Variants in HMGCLL1 observed in about 807,000 individuals in gnomAD.
HMGCLL1 encodes the protein 3-hydroxy-3-methylglutaryl-CoA lyase like 1.
Under a neutral mutation model 39.1 loss-of-function variants are expected in HMGCLL1, and 36 were observed. That is an observed-to-expected ratio of 0.92 (90% CI 0.71 to 1.22). HMGCLL1 has a LOEUF of 1.22. Among genes scored for constraint, HMGCLL1 ranks in the 50% most tolerant of loss-of-function variants. HMGCLL1 has a pLI of 0.00. For synonymous variants in HMGCLL1, 149 were observed against 144.0 expected (o/e 1.03, Z -0.25); for missense variants, 451 against 416.5 (o/e 1.08, Z -0.72).
intron 7 of HMGCLL1, among the ~76,000 whole-genome samples, chr6:55,486,552 G>A (rs952144209): frequency 6.6e-6 from 1 of 152,018 alleles, no homozygotes; most frequent in Non-Finnish European, 1.5e-5. Flanking sequence ...CAATGCCTTG[G>A]AAAGATCAAT....
At chr6:55,591,684 G>GT in the HMGCLL1 span, among the ~76,000 whole-genome samples, 642 of 142,100 alleles carry the variant, frequency 4.5e-3, no homozygotes, top group Middle Eastern at 7.1e-3. Flanking sequence ...ACTTAAGGAA[G>GT]TTTTTTTTTT....
chr6:55,515,272 A>AT (rs1767677691), intron 4 of HMGCLL1, among the ~76,000 whole-genome samples: 2 of 151,458 alleles, frequency 1.3e-5, no homozygotes, highest in South Asian at 4.2e-4. Context: ...AAAAAAATAC[A>AT]TGGGGGGAGA....
In HMGCLL1 at chr6:55,504,590, C is replaced by A. The variant is rs1345771948; in HGVS notation, c.543-5291G>T. Reference sequence around the variant, plus strand: ...GGAATTCTCCCTATATACTTTAAATCATCTCTAGATTACTTATAATACCTA... The same window carrying A: ...GGAATTCTCCCTATATACTTTAAATAATCTCTAGATTACTTATAATACCTA... On this transcript the variant is annotated intron_variant, in intron 5 of 8. Coordinates refer to ENST00000274901, the MANE Select transcript of HMGCLL1 (RefSeq NM_001042406.2). Among the ~76,000 whole-genome samples, 3 of 151,710 alleles carry A rather than the reference C, an allele frequency of 2.0e-5. No homozygotes were observed. The East Asian group carries it at 5.8e-4, about 29-fold the overall frequency.
At chr6:55,659,383 A>G in the HMGCLL1 span, among the ~76,000 whole-genome samples, 5 of 151,962 alleles carry the variant, frequency 3.3e-5, no homozygotes, top group Non-Finnish European at 1.5e-5. Context: ...CTGAAAATTA[A>G]AATTTATTTC....
At chr6:55,643,083 A>C in the HMGCLL1 span, among the ~76,000 whole-genome samples, 1 of 152,098 alleles carries the variant, frequency 6.6e-6, no homozygotes, top group Non-Finnish European at 1.5e-5. Flanking sequence ...ACTATTGTGA[A>C]TAATATAGCA....
chr6:55,496,396 G>A (rs1192677169), intron 6 of HMGCLL1, among the ~76,000 whole-genome samples: 1 of 152,060 alleles, frequency 6.6e-6, no homozygotes, highest in African/African-American at 2.4e-5. Flanking sequence ...TAATGATTCA[G>A]TACTGAATCA....
the HMGCLL1 span, among the ~76,000 whole-genome samples, chr6:55,646,762 GAT>G: frequency 6.6e-6 from 1 of 151,920 alleles, no homozygotes; most frequent in Non-Finnish European, 1.5e-5. Flanking sequence ...GAAGATACTT[GAT>G]ATTATTTCAT....
At chr6:55,677,274 C>G in the HMGCLL1 span, among the ~76,000 whole-genome samples, 1 of 152,064 alleles carries the variant, frequency 6.6e-6, no homozygotes, top group African/African-American at 2.4e-5. Context: ...CCTGTGGTCC[C>G]ACTACTCGGG....
chr6:55,460,433 A>T (rs1764506589), intron 7 of HMGCLL1, among the ~76,000 whole-genome samples: 1 of 151,940 alleles, frequency 6.6e-6, no homozygotes, highest in Non-Finnish European at 1.5e-5. Flanking sequence ...GAAAGCACTA[A>T]AGTTTAATTT....
In HMGCLL1 at chr6:55,532,812, T is replaced by A. The variant is rs1220154150; in HGVS notation, c.297+8917A>T. On this transcript the variant is annotated intron_variant, in intron 3 of 8. Transcript: ENST00000274901. ...CAAGACTCTGTCTCAAACATAATAA[T>A]AATAATAATAATAATAATAATAATA... Among the ~76,000 whole-genome samples the A allele has an allele frequency of 2.8e-3, 54 of 19,042 alleles. 1 individual carries two copies. Among genetic ancestry groups the A allele is most frequent in the South Asian group, 0.017 (13 of 772 alleles). The allele number at this position is 19,042 out of a possible 152,430, so 12.5% of individuals were successfully genotyped here. A position where few individuals can be genotyped will look rare whatever the true frequency, so the allele number is the denominator to read the frequency against.
chr6:55,609,491 C>T, the HMGCLL1 span, among the ~76,000 whole-genome samples: 5 of 152,136 alleles, frequency 3.3e-5, no homozygotes, highest in African/African-American at 9.7e-5. Context: ...ACTCCAACAA[C>T]TCCAGCGAAG....
At chr6:55,465,986 A>G (rs1016350068) in intron 7 of HMGCLL1, among the ~76,000 whole-genome samples, 2 of 152,054 alleles carry the variant, frequency 1.3e-5, no homozygotes, top group African/African-American at 2.4e-5. Flanking sequence ...GATATTACTA[A>G]TAGAAGTTAA....
At chr6:55,552,255 C>T (rs752502072) in intron 1 of HMGCLL1, among the ~76,000 whole-genome samples, 9 of 151,816 alleles carry the variant, frequency 5.9e-5, no homozygotes, top group Non-Finnish European at 1.0e-4. Flanking sequence ...ATTTAAAATC[C>T]TAAACATGAA....
At chr6:55,659,382 A>G in the HMGCLL1 span, among the ~76,000 whole-genome samples, 1 of 151,956 alleles carries the variant, frequency 6.6e-6, no homozygotes, top group African/African-American at 2.4e-5. Flanking sequence ...GCTGAAAATT[A>G]AAATTTATTT....
the HMGCLL1 span, among the ~76,000 whole-genome samples, chr6:55,620,942 A>G: frequency 1.3e-5 from 2 of 151,696 alleles, no homozygotes; most frequent in Non-Finnish European, 2.9e-5. Context: ...TAGATGTGTA[A>G]GTTTATCTCT....
chr6:55,568,854 A>AACAC (rs139032251), intron 1 of HMGCLL1, among the ~76,000 whole-genome samples: 31,875 of 150,560 alleles, frequency 0.21, 3,719 homozygotes, highest in East Asian at 0.32. Flanking sequence ...AGTAAAATGA[A>AACAC]ACACACACAC....
Position 55,543,304 on chromosome 6 carries a change from TG to T in HMGCLL1, c.109-1165del, listed in dbSNP as rs1165052856. On this transcript the variant is annotated intron_variant, in intron 1 of 8. Coordinates refer to ENST00000274901, the MANE Select transcript of HMGCLL1 (RefSeq NM_001042406.2). ...TATATAATATATTATATATCATATA[TG>T]ATATATAATATATAATATATATTAT... Among the ~76,000 whole-genome samples the T allele has an allele frequency of 1.4e-4, 3 of 21,566 alleles. 1 individual carries two copies. The highest frequency in any genetic ancestry group is 5.0e-4 in the African/African-American group (3 of 6,018). 14.1% of individuals were successfully genotyped at this position (21,566 alleles called of 152,430 possible).
the HMGCLL1 span, among the ~76,000 whole-genome samples, chr6:55,676,677 C>T: frequency 6.6e-6 from 1 of 152,212 alleles, no homozygotes; most frequent in Non-Finnish European, 1.5e-5. Flanking sequence ...AATCTTCATA[C>T]ACTTTCTTTC....
the HMGCLL1 span, among the ~76,000 whole-genome samples, chr6:55,649,200 G>A: frequency 6.6e-6 from 1 of 151,850 alleles, no homozygotes; most frequent in Non-Finnish European, 1.5e-5. Context: ...AGATGATTTC[G>A]TCTCACTCAT....
Sources: gnomAD v4.1 joint callset for allele counts (sites outside exome capture counted in the v4.1 genomes callset) on GRCh38, gnomAD v4.1.1 for gene constraint, MANE v1.5 for transcripts, NCBI Gene and HGNC (gene_info 2026-07-23, HGNC 2026-07-21) for gene names.